Variants in GRHL1 observed in about 807,000 individuals in gnomAD.
The protein encoded by GRHL1 is grainyhead like transcription factor 1, also known as grainyhead-like protein 1 homolog.
In GRHL1, 38 loss-of-function variants were observed where a neutral mutation model predicts 75.7. That is an observed-to-expected ratio of 0.50 (90% CI 0.39 to 0.66). The LOEUF is 0.66. Ranked by LOEUF, GRHL1 falls within the 30% of genes least tolerant of loss-of-function variation. The probability of loss-of-function intolerance (pLI) is 0.00; values close to 1 mark genes in which losing one functional copy is unlikely to be tolerated. For synonymous variants in GRHL1, 266 were observed against 279.4 expected (o/e 0.95, Z 0.48); for missense variants, 589 against 767.5 (o/e 0.77, Z 2.75).
In GRHL1 at chr2:10,001,586, T is replaced by C. The variant is rs898381678; in HGVS notation, c.*879T>C. ...CCGCTAAAAACCTTTTTCTCTGTTT[T>C]TCCAAACACAGGCATTCTGTAGCAT... On this transcript the variant is annotated 3_prime_UTR_variant, in exon 16 of 16. Transcript: ENST00000324907. 3 of 151,942 alleles carry C rather than the reference T, an allele frequency of 2.0e-5. No individual in the cohort carries two copies. Among genetic ancestry groups the C allele is most frequent in the African/African-American group, 7.2e-5 (3 of 41,452 alleles). The allele number at this position is 151,942 out of a possible 1,614,324, so 9.4% of individuals were successfully genotyped here.
In GRHL1 at chr2:9,951,733, C is replaced by G. The variant is rs1175487473; in HGVS notation, c.-101C>G. ...AACCCAACCCGTCGGGGCCGCCGCT[C>G]CGGACCCGCAGCCGCCGCCGCCGCC... is the stretch of plus-strand genomic sequence containing the variant. On this transcript the variant is annotated 5_prime_UTR_variant, in exon 1 of 16. Coordinates refer to ENST00000324907, the MANE Select transcript of GRHL1 (RefSeq NM_198182.3). The surrounding 1 kb of genome is among the most constrained non-coding windows in gnomAD (Gnocchi z 4.2). 3.5e-6 allele frequency: 4 copies of G among 1,152,344 alleles called. No individual in the cohort carries two copies. In the African/African-American group the frequency reaches 5.0e-5, roughly 14 times the overall value. 71.4% of individuals were successfully genotyped at this position (1,152,344 alleles called of 1,614,324 possible). A position where few individuals can be genotyped will look rare whatever the true frequency, so the allele number is the denominator to read the frequency against.
intron 14 of GRHL1, among the ~76,000 whole-genome samples, chr2:9,997,397 G>T (rs546172593): frequency 1.6e-4 from 24 of 152,268 alleles, no homozygotes; most frequent in Admixed American, 7.2e-4. Context: ...AAGTCCACGG[G>T]TGTCACTCAG....
At chr2:9,986,809 C>A (rs1668438137) in intron 9 of GRHL1, among the ~76,000 whole-genome samples, 1 of 152,144 alleles carries the variant, frequency 6.6e-6, no homozygotes, top group Non-Finnish European at 1.5e-5. Flanking sequence ...TGGGCTCAAG[C>A]GATCCCCCAA....
At chr2:9,971,879 T>A (rs528032709) in intron 8 of GRHL1, among the ~76,000 whole-genome samples, 1 of 152,360 alleles carries the variant, frequency 6.6e-6, no homozygotes, top group African/African-American at 2.4e-5. Context: ...TGAGGATGAT[T>A]TCTCCTAGAA....
At chr2:9,989,636 C>T (rs1668560071) in intron 9 of GRHL1, among the ~76,000 whole-genome samples, 1 of 152,162 alleles carries the variant, frequency 6.6e-6, no homozygotes, top group African/African-American at 2.4e-5. Context: ...GCAATCTCTA[C>T]CTCCCAGGTT....
chr2:9,988,149 T>C (rs1274029143), intron 9 of GRHL1, among the ~76,000 whole-genome samples: 2 of 152,142 alleles, frequency 1.3e-5, no homozygotes, highest in Admixed American at 6.5e-5. Context: ...TTATTGTGAA[T>C]CTCCTTGAAT....
chr2:9,997,087 T>C (rs891500), intron 14 of GRHL1, among the ~76,000 whole-genome samples: 18,577 of 152,228 alleles, frequency 0.12, 1,724 homozygotes, highest in Admixed American at 0.26. Context: ...GTGTCCATAA[T>C]TGGGCTAAAA....
intron 11 of GRHL1, 100 bp from the exon 12 acceptor site, chr2:9,993,107 A>G (rs1668715230): frequency 2.2e-6 from 2 of 904,796 alleles, no homozygotes; most frequent in East Asian, 2.4e-5. Flanking sequence ...TTTATATTAG[A>G]TTGGTGAAAT....
At chr2:9,983,239 C>T (rs1360511332) in intron 8 of GRHL1, among the ~76,000 whole-genome samples, 2 of 152,140 alleles carry the variant, frequency 1.3e-5, no homozygotes, top group Non-Finnish European at 2.9e-5. Context: ...TCCTGGCCTG[C>T]AGTGCTTACG....
Position 9,998,798 on chromosome 2 carries a change from ACATATATATACG to A in GRHL1, c.1678-166_1678-155del, listed in dbSNP as rs1226915456. On this transcript the variant is annotated intron_variant, in intron 14 of 15. Transcript: ENST00000324907. ...CATATATACGTATATATATGTACACACATATATATACGTATATATATGTACACATATATATAT... is the reference window on the plus strand; with the variant it reads ...CATATATACGTATATATATGTACACATATATATATGTACACATATATATAT... 7.8e-3 allele frequency among the ~76,000 whole-genome samples: 354 copies of A among 45,222 alleles called. 51 individuals are homozygous for A. Among genetic ancestry groups the A allele is most frequent in the African/African-American group, 0.013 (100 of 7,848 alleles). 29.7% of individuals were successfully genotyped at this position (45,222 alleles called of 152,430 possible). A position where few individuals can be genotyped will look rare whatever the true frequency, so the allele number is the denominator to read the frequency against.
rs78428753 is a variant in GRHL1, at chr2:9,968,858, G to T, written c.1110+3477G>T. The stretch of plus-strand genomic sequence containing the variant: ...TGGACAAGGCGTGGGCTGGATCTAG[G>T]CTCCTGCCACTAGTTCCGCAGGCCA... On this transcript the variant is annotated intron_variant, in intron 8 of 15. Coordinates refer to ENST00000324907, the MANE Select transcript of GRHL1 (RefSeq NM_198182.3). This position sits in a 1 kb window ranked among gnomAD's most constrained non-coding sequence, Gnocchi z 4.7. Among the ~76,000 whole-genome samples, 1,580 of 152,284 alleles carry T rather than the reference G, an allele frequency of 0.01. 25 individuals are homozygous for T. The highest frequency in any genetic ancestry group is 0.061 in the Middle Eastern group (18 of 294).
In GRHL1 at chr2:9,954,414, C is replaced by A. The variant is rs187828614; in HGVS notation, c.21-501C>A. ...TTGCGTGAAGGATCCCTTTTTCTTT[C>A]TGCTGCTTCTCCCCTCCCCACTGTG... On this transcript the variant is annotated intron_variant, in intron 1 of 15. Transcript: ENST00000324907. Among the ~76,000 whole-genome samples, 22 of 152,220 alleles carry A rather than the reference C, an allele frequency of 1.4e-4. No individual in the cohort carries two copies. The East Asian group carries it at 3.9e-3, about 27-fold the overall frequency.
rs577039854 is a variant in GRHL1 at position 9,979,510 on chromosome 2, G to A, written c.1111-6614G>A. On this transcript the variant is annotated intron_variant, in intron 8 of 15. Coordinates refer to ENST00000324907, the MANE Select transcript of GRHL1 (RefSeq NM_198182.3). The stretch of plus-strand genomic sequence containing the variant: ...CACATACAGGTGTGAGCCACTGCCT[G>A]GCCAGTGCTCAAATTTTGAAATTGT... 2.6e-5 allele frequency among the ~76,000 whole-genome samples: 4 copies of A among 152,238 alleles called. No individual in the cohort carries two copies. In the South Asian group the frequency reaches 6.2e-4, roughly 24 times the overall value.
intron 10 of GRHL1, among the ~76,000 whole-genome samples, chr2:9,991,758 CTGTG>C (rs1402405620): frequency 3.9e-5 from 6 of 152,234 alleles, no homozygotes; most frequent in Non-Finnish European, 5.9e-5. Context: ...GGATATGCGT[CTGTG>C]TGTGTTTGAA....
intron 7 of GRHL1, 90 bp from the exon 8 acceptor site, chr2:9,965,197 T>G (rs748075797): frequency 1.4e-6 from 1 of 708,702 alleles, no homozygotes; most frequent in Non-Finnish European, 2.6e-6. Context: ...GTGATAATGC[T>G]AAAAACTAGA....
intron 1 of GRHL1, among the ~76,000 whole-genome samples, chr2:9,953,612 A>T (rs1268864974): frequency 6.6e-6 from 1 of 152,160 alleles, no homozygotes; most frequent in African/African-American, 2.4e-5. Context: ...ATAACACTTC[A>T]TTTTGACTGA....
rs1668475846 is a variant in GRHL1, at chr2:9,987,524, C to T, written c.1269+1242C>T. ...CACAAAGTGCTGTGCCTTCACAGCCCTCTTCCCCAAAGGCCCTTCAATAAG... is the reference window on the plus strand; with the variant it reads ...CACAAAGTGCTGTGCCTTCACAGCCTTCTTCCCCAAAGGCCCTTCAATAAG... On this transcript the variant is annotated intron_variant, in intron 9 of 15. Coordinates refer to ENST00000324907, the MANE Select transcript of GRHL1 (RefSeq NM_198182.3). The surrounding 1 kb of genome is among the most constrained non-coding windows in gnomAD (Gnocchi z 4.2). Among the ~76,000 whole-genome samples the T allele has an allele frequency of 6.6e-6, 1 of 152,164 alleles. No homozygotes were observed. The highest frequency in any genetic ancestry group is 1.5e-5 in the Non-Finnish European group (1 of 68,036).
At chr2:9,965,063 T>C (rs529835147) in intron 7 of GRHL1, 1 of 430,784 alleles carries the variant, frequency 2.3e-6, no homozygotes, top group African/African-American at 2.0e-5. Context: ...TTCCTAATTG[T>C]GACATAATGA....
intron 8 of GRHL1, among the ~76,000 whole-genome samples, chr2:9,971,712 C>G (rs1331124090): frequency 6.6e-6 from 1 of 152,164 alleles, no homozygotes; most frequent in East Asian, 1.9e-4. Context: ...AATGAATAGT[C>G]TTTAGAGTTG....
Sources: gnomAD v4.1 joint callset for allele counts (sites outside exome capture counted in the v4.1 genomes callset) on GRCh38, gnomAD v4.1.1 for gene constraint, Gnocchi (gnomAD v3.1) non-coding constraint, MANE v1.5 for transcripts, NCBI Gene and HGNC (gene_info 2026-07-23, HGNC 2026-07-21) for gene names.